Variants in PLPPR5 observed in about 807,000 individuals in gnomAD.
The protein encoded by PLPPR5 is phospholipid phosphatase related 5.
Under a neutral mutation model 33.9 loss-of-function variants are expected in PLPPR5, and 16 were observed. That is an observed-to-expected ratio of 0.47 (90% CI 0.32 to 0.72). The LOEUF is 0.72. Among genes scored for constraint, PLPPR5 ranks in the 30% least tolerant of loss-of-function variants. The pLI, the probability that PLPPR5 is intolerant of heterozygous loss-of-function variation, is 0.03. For synonymous variants in PLPPR5, 163 were observed against 150.3 expected (o/e 1.08, Z -0.62); for missense variants, 301 against 406.7 (o/e 0.74, Z 2.23).
rs890180720 is a variant in PLPPR5 at position 98,956,662 on chromosome 1, G to C, written c.317C>G (p.Thr106Ser). 2 of 1,603,248 alleles carry C rather than the reference G, an allele frequency of 1.2e-6. No homozygotes were observed. Among genetic ancestry groups the C allele is most frequent in the Non-Finnish European group, 1.7e-6 (2 of 1,176,072 alleles). Residue 106 changes from threonine to serine, a missense_variant, in exon 2 of 6, where the codon ACT (threonine) becomes AGT (serine). Transcript: ENST00000263177. Reference protein sequence around the residue: ...DFENQEKTILTGDCCYINPLV... With the variant: ...DFENQEKTILSGDCCYINPLV... ...CGGGTTTATATAGCAACAGTCTCCAGTTAAAATAGTTTTTTCCTGGTTTTC... is the reference window on the plus strand; with the variant it reads ...CGGGTTTATATAGCAACAGTCTCCACTTAAAATAGTTTTTTCCTGGTTTTC...
chr1:98,911,383 C>G (rs1053032558), intron 5 of PLPPR5, among the ~76,000 whole-genome samples: 9 of 152,142 alleles, frequency 5.9e-5, no homozygotes, highest in African/African-American at 2.2e-4. Context: ...AAACATGCCA[C>G]TTAACCTAAT....
intron 1 of PLPPR5, among the ~76,000 whole-genome samples, chr1:98,958,288 A>G (rs1489946996): frequency 6.6e-6 from 1 of 152,230 alleles, no homozygotes; most frequent in Non-Finnish European, 1.5e-5. Context: ...GAGGTAGAGA[A>G]GGAGGTTACA....
At chr1:98,950,423 AT>A (rs1305410633) in intron 3 of PLPPR5, among the ~76,000 whole-genome samples, 1 of 152,176 alleles carries the variant, frequency 6.6e-6, no homozygotes, top group Non-Finnish European at 1.5e-5. Context: ...ATATGTCCCA[AT>A]TTTTATTATA....
At chr1:98,983,787 G>A (rs1209743455) in intron 1 of PLPPR5, among the ~76,000 whole-genome samples, 1 of 152,028 alleles carries the variant, frequency 6.6e-6, no homozygotes, top group Non-Finnish European at 1.5e-5. Flanking sequence ...ATTCTAACTG[G>A]TGTGAGATGG....
intron 3 of PLPPR5, among the ~76,000 whole-genome samples, chr1:98,924,487 C>G (rs1360240758): frequency 6.6e-6 from 1 of 152,258 alleles, no homozygotes; most frequent in East Asian, 1.9e-4. Context: ...GAAAGGAGGC[C>G]ACCACAGAAT....
chr1:99,004,582 G>A lies in PLPPR5; in HGVS notation c.90C>T (p.Phe30=), dbSNP rs1421516068. ...MAGTVMLAYY[F]EYTDTFTVNV... is the part of the protein sequence containing the mutation. Reference sequence around the variant, plus strand: ...TCACGGTGAACGTGTCCGTATACTCGAAGTAGTACGCCAGCATCACCGTCC... The same window carrying A: ...TCACGGTGAACGTGTCCGTATACTCAAAGTAGTACGCCAGCATCACCGTCC... Residue 30 remains phenylalanine (F), a synonymous_variant, in exon 1 of 6, where the codon TTC becomes TTT. Transcript: ENST00000263177. The A allele has an allele frequency of 1.2e-6, 2 of 1,613,014 alleles. No individual in the cohort carries two copies. The highest frequency in any genetic ancestry group is 1.7e-6 in the Non-Finnish European group (2 of 1,179,826).
chr1:99,002,846 C>T (rs2100771222), intron 1 of PLPPR5, among the ~76,000 whole-genome samples: 1 of 151,914 alleles, frequency 6.6e-6, no homozygotes, highest in Non-Finnish European at 1.5e-5. Context: ...CAGGCTCTTC[C>T]TTTTTCTTTA....
intron 5 of PLPPR5, among the ~76,000 whole-genome samples, chr1:98,913,135 T>C (rs1003477231): frequency 6.6e-6 from 1 of 152,182 alleles, no homozygotes; most frequent in Non-Finnish European, 1.5e-5. Context: ...ATCTCATCCC[T>C]CTGTCATACA....
chr1:98,937,682 C>T (rs1650221648), intron 3 of PLPPR5, among the ~76,000 whole-genome samples: 1 of 152,146 alleles, frequency 6.6e-6, no homozygotes, highest in Non-Finnish European at 1.5e-5. Context: ...CCTTTGAAGT[C>T]AGCCTTTGAA....
At chr1:98,893,623 T>TC (rs1325566028) in intron 5 of PLPPR5, among the ~76,000 whole-genome samples, 71 of 149,414 alleles carry the variant, frequency 4.8e-4, no homozygotes, top group African/African-American at 1.7e-3. Flanking sequence ...AGCGCCTTTT[T>TC]TTTTTTTTTT....
intron 1 of PLPPR5, among the ~76,000 whole-genome samples, chr1:98,970,794 T>C (rs1241803470): frequency 6.6e-6 from 1 of 152,028 alleles, no homozygotes; most frequent in Non-Finnish European, 1.5e-5. Context: ...ATATTCATCA[T>C]AAGAGATTTT....
At chr1:98,899,230 A>C (rs961721142) in intron 5 of PLPPR5, among the ~76,000 whole-genome samples, 1 of 152,212 alleles carries the variant, frequency 6.6e-6, no homozygotes, top group African/African-American at 2.4e-5. Flanking sequence ...AGCTGTATCC[A>C]GATCAAGTGC....
chr1:98,998,570 G>A (rs1196857231), intron 1 of PLPPR5, among the ~76,000 whole-genome samples: 3 of 152,070 alleles, frequency 2.0e-5, no homozygotes, highest in African/African-American at 7.2e-5. Flanking sequence ...AGGATAAAAG[G>A]TTTGAGAAAA....
In PLPPR5 at chr1:98,914,865, T is replaced by C; in HGVS notation, c.854A>G (p.His285Arg). The C allele has an allele frequency of 6.2e-7, 1 of 1,613,160 alleles. No individual in the cohort carries two copies. Among genetic ancestry groups the C allele is most frequent in the Non-Finnish European group, 8.5e-7 (1 of 1,179,696 alleles). ...TGGCATCTGTGCCAGATTATCCATG[T>C]GTATATGCTCATTTTCTGCTTGTCT... Reference protein sequence around the residue: ...KGRQAENEHIHMDNLAQMPMI... With the variant: ...KGRQAENEHIRMDNLAQMPMI... Residue 285 changes from histidine to arginine, a missense_variant, in exon 5 of 6, where the codon CAC becomes CGC. Transcript: ENST00000263177.
At chr1:98,958,945 C>T (rs996906831) in intron 1 of PLPPR5, among the ~76,000 whole-genome samples, 8 of 152,144 alleles carry the variant, frequency 5.3e-5, no homozygotes, top group Non-Finnish European at 1.0e-4. Context: ...CAGGCCCCAA[C>T]CCATGGTACA....
In PLPPR5 at chr1:98,953,031, A is replaced by AAT. The variant is rs796832426; in HGVS notation, c.621+37_621+38dup. ...TTTCTACATTGGAAAAATTAACAAT[A>AAT]ATACAGACTAAGACAACAAATTTAT... On this transcript the variant is annotated intron_variant, in intron 3 of 5. Coordinates refer to ENST00000263177, the MANE Select transcript of PLPPR5 (RefSeq NM_001037317.2). The AAT allele has an allele frequency of 8.7e-6, 14 of 1,606,038 alleles. 1 individual carries two copies. The African/African-American group carries it at 1.7e-4, about 20-fold the overall frequency.
At chr1:99,005,741 G>A (rs1465318514), upstream of PLPPR5, among the ~76,000 whole-genome samples, 2 of 152,112 alleles carry the variant, frequency 1.3e-5, no homozygotes, top group Non-Finnish European at 2.9e-5. Context: ...TCAGGGGTCG[G>A]GATAAAGGAG....
intron 3 of PLPPR5, among the ~76,000 whole-genome samples, chr1:98,944,063 G>A (rs1650469471): frequency 6.6e-6 from 1 of 152,156 alleles, no homozygotes; most frequent in Non-Finnish European, 1.5e-5. Flanking sequence ...AAGACATCAT[G>A]CTGACAAGAT....
chr1:98,893,387 C>T (rs374795697), intron 5 of PLPPR5, among the ~76,000 whole-genome samples: 2 of 151,940 alleles, frequency 1.3e-5, no homozygotes, highest in Non-Finnish European at 2.9e-5. Flanking sequence ...ATGCCAGACA[C>T]GTTAATATTC....
Sources: gnomAD v4.1 joint callset for allele counts (sites outside exome capture counted in the v4.1 genomes callset) on GRCh38, gnomAD v4.1.1 for gene constraint, MANE v1.5 for transcripts, NCBI Gene and HGNC (gene_info 2026-07-23, HGNC 2026-07-21) for gene names.